The following PSMA1 variants were observed in gnomAD, a reference collection of about 807,000 sequenced individuals.
PSMA1 encodes proteasome subunit alpha type-1.
Under a neutral mutation model 38.4 loss-of-function variants are expected in PSMA1, and 3 were observed. The ratio of observed to expected loss-of-function variants is 0.08; its 90% CI spans 0.04 to 0.20. The LOEUF (loss-of-function observed/expected upper bound fraction) is 0.20. Ranked by LOEUF, PSMA1 falls within the 10% of genes least tolerant of loss-of-function variation. PSMA1 has a pLI of 1.00. For missense variants in PSMA1, 227 were observed against 325.3 expected, an observed-to-expected ratio of 0.70 and a Z score of 2.32; for synonymous variants, 101 against 107.1, an observed-to-expected ratio of 0.94 and a Z score of 0.35.
At chr11:14,621,908 G>T (rs774670103) in intron 1 of PSMA1, among the ~76,000 whole-genome samples, 28 of 152,278 alleles carry the variant, frequency 1.8e-4, no homozygotes, top group Non-Finnish European at 3.2e-4. Context: ...TTATGTGCCA[G>T]ACACTATTGT....
At position 14,507,682 on chromosome 11, in the gene PSMA1, C is replaced by T; in HGVS notation, c.709G>A (p.Glu237Lys). 1 of 1,610,796 alleles carries T rather than the reference C, an allele frequency of 6.2e-7. No individual in the cohort carries two copies. The highest frequency in any genetic ancestry group is 8.5e-7 in the Non-Finnish European group (1 of 1,177,416). Reference protein sequence around the residue: ...DDVSPFLEGLEERPQRKAQPA... With the variant: ...DDVSPFLEGLKERPQRKAQPA... ...TGTGCCTTTCTCTGTGGTCTTTCTTCAAGACCTTCCAGGAATGGAGACACA... is the reference window on the plus strand; with the variant it reads ...TGTGCCTTTCTCTGTGGTCTTTCTTTAAGACCTTCCAGGAATGGAGACACA... Residue 237 changes from glutamate (E) to lysine (K), a missense_variant, in exon 9 of 10, where the codon GAA becomes AAA. Transcript: ENST00000396394.
intron 1 of PSMA1, among the ~76,000 whole-genome samples, chr11:14,638,826 G>A (rs915813028): frequency 1.3e-5 from 2 of 150,912 alleles, no homozygotes; most frequent in African/African-American, 4.9e-5. Flanking sequence ...GGCTGCCACC[G>A]TCGTGGCTGT....
chr11:14,574,824 G>T lies in PSMA1; in HGVS notation c.21+36142C>A, dbSNP rs181743302. Among the ~76,000 whole-genome samples, 1,238 of 152,242 alleles carry T rather than the reference G, an allele frequency of 8.1e-3. 9 individuals are homozygous for T. Among genetic ancestry groups the T allele is most frequent in the Non-Finnish European group, 0.012 (839 of 68,028 alleles). On this transcript the variant is annotated intron_variant, in intron 2 of 10. Transcript: ENST00000418988. ...TTTCCTTTATAAATTACCGAGTCTTGGGTATTATCTTTGCAGCAATGTGAG... is the reference window on the plus strand; with the variant it reads ...TTTCCTTTATAAATTACCGAGTCTTTGGTATTATCTTTGCAGCAATGTGAG...
chr11:14,524,997 T>TA (rs1262181211), upstream of PSMA1, among the ~76,000 whole-genome samples: 7 of 152,038 alleles, frequency 4.6e-5, no homozygotes, highest in East Asian at 1.4e-3. Flanking sequence ...CCATCACACT[T>TA]ACAGTGGAGG....
At chr11:14,569,913 A>G (rs1181211996) in intron 2 of PSMA1, among the ~76,000 whole-genome samples, 4 of 152,244 alleles carry the variant, frequency 2.6e-5, no homozygotes, top group African/African-American at 9.6e-5. Flanking sequence ...CTGCCTCCTC[A>G]AGTGGGTCCC....
chr11:14,643,174 T>A (rs1590021403), intron 1 of PSMA1, among the ~76,000 whole-genome samples: 1 of 151,106 alleles, frequency 6.6e-6, no homozygotes, highest in African/African-American at 2.4e-5. Flanking sequence ...GCAAGGATCC[T>A]GGGCCTGCTG....
At chr11:14,516,388 T>C (rs1851429946) in intron 4 of PSMA1, among the ~76,000 whole-genome samples, 1 of 152,190 alleles carries the variant, frequency 6.6e-6, no homozygotes, top group Non-Finnish European at 1.5e-5. Flanking sequence ...AAATTTTTTG[T>C]AGAGATGGGG....
At chr11:14,631,440 G>C (rs1243921002) in intron 1 of PSMA1, among the ~76,000 whole-genome samples, 1 of 152,006 alleles carries the variant, frequency 6.6e-6, no homozygotes, top group Non-Finnish European at 1.5e-5. Flanking sequence ...AGTCATTCAG[G>C]AGCAGGTTGT....
chr11:14,620,000 GTGTACC>G lies in PSMA1; in HGVS notation c.-165-8855_-165-8850del, dbSNP rs1192663401. 3.9e-5 allele frequency among the ~76,000 whole-genome samples: 6 copies of G among 152,150 alleles called. No individual in the cohort carries two copies. The South Asian group carries it at 1.0e-3, about 26-fold the overall frequency. On this transcript the variant is annotated intron_variant, in intron 1 of 10. Coordinates refer to the PSMA1 transcript ENST00000418988. ...TATTGAGCAAACACTTTTAATTCTC[GTGTACC>G]TAACAGTAAGGACAACAGTGATTTG... is the stretch of plus-strand genomic sequence containing the variant.
chr11:14,592,671 CA>C (rs1285566524), intron 2 of PSMA1, among the ~76,000 whole-genome samples: 2 of 152,232 alleles, frequency 1.3e-5, no homozygotes, highest in Non-Finnish European at 2.9e-5. Context: ...AGGCATGAGT[CA>C]CTGTGCCCGG....
intron 1 of PSMA1, among the ~76,000 whole-genome samples, chr11:14,635,249 A>C (rs1358286330): frequency 1.3e-5 from 2 of 152,242 alleles, no homozygotes; most frequent in Non-Finnish European, 1.5e-5. Context: ...TGTTCATGTT[A>C]GAGTGGATGT....
At chr11:14,516,586 T>C (rs1851433809) in intron 4 of PSMA1, among the ~76,000 whole-genome samples, 1 of 152,192 alleles carries the variant, frequency 6.6e-6, no homozygotes, top group African/African-American at 2.4e-5. Context: ...ACTCACATAA[T>C]ACCTGAAAGG....
At chr11:14,609,800 A>G (rs1484894820) in intron 2 of PSMA1, among the ~76,000 whole-genome samples, 3 of 152,172 alleles carry the variant, frequency 2.0e-5, no homozygotes. Context: ...GTTCATTCTG[A>G]TGAGATAGGA....
intron 1 of PSMA1, among the ~76,000 whole-genome samples, chr11:14,621,052 T>C (rs958753068): frequency 6.6e-6 from 1 of 152,212 alleles, no homozygotes; most frequent in Admixed American, 6.5e-5. Context: ...TTTTCCTGTA[T>C]TAGCTGTTAC....
chr11:14,526,625 C>T (rs563751244), intron 2 of PSMA1, among the ~76,000 whole-genome samples: 24 of 152,292 alleles, frequency 1.6e-4, no homozygotes, highest in African/African-American at 5.5e-4. Context: ...GATCCTTCAG[C>T]TGTACTCACT....
intron 1 of PSMA1, among the ~76,000 whole-genome samples, chr11:14,612,642 T>C (rs1187489861): frequency 6.6e-6 from 1 of 152,186 alleles, no homozygotes; most frequent in Admixed American, 6.5e-5. Context: ...CTGTACCCTC[T>C]AGGAAAGAGA....
intron 2 of PSMA1, among the ~76,000 whole-genome samples, chr11:14,576,875 T>C (rs1852224115): frequency 6.6e-6 from 1 of 152,234 alleles, no homozygotes; most frequent in Non-Finnish European, 1.5e-5. Context: ...TTGCGCAGTA[T>C]GGCCATTTTC....
In PSMA1 at chr11:14,569,299, G is replaced by A. The variant is rs186414475; in HGVS notation, c.21+41667C>T. Among the ~76,000 whole-genome samples, 1,406 of 152,234 alleles carry A rather than the reference G, an allele frequency of 9.2e-3. 85 individuals are homozygous for A. Among genetic ancestry groups the A allele is most frequent in the Admixed American group, 0.087 (1,331 of 15,276 alleles). ...CCAGTCTGCAGCTCCCAGCATGAGC[G>A]ACGCAGAAGACGGGTGATTTCCGTA... On this transcript the variant is annotated intron_variant, in intron 2 of 10. Transcript: ENST00000418988.
intron 2 of PSMA1, among the ~76,000 whole-genome samples, chr11:14,540,237 T>C (rs1851758298): frequency 6.6e-6 from 1 of 152,186 alleles, no homozygotes; most frequent in East Asian, 1.9e-4. Context: ...GGTGACCTTG[T>C]CTTTTTGCAA....
Sources: allele counts gnomAD v4.1 joint callset (sites outside exome capture counted in the v4.1 genomes callset), GRCh38; gene constraint gnomAD v4.1.1; transcripts MANE v1.5; gene names NCBI Gene and HGNC (gene_info 2026-07-23, HGNC 2026-07-21).